ELAVL2: variants seen among roughly 807,000 people sequenced by gnomAD.
The protein encoded by ELAVL2 is ELAV-like protein 2.
In ELAVL2, 4 loss-of-function variants were observed where a neutral mutation model predicts 34.6. The ratio of observed to expected loss-of-function variants is 0.12; its 90% CI spans 0.06 to 0.26. The LOEUF (loss-of-function observed/expected upper bound fraction) is 0.26, where lower values mean the gene tolerates loss of function less well. ELAVL2 is among the 10% of genes least tolerant of loss of function. The probability of loss-of-function intolerance (pLI) is 1.00; values close to 1 mark genes in which losing one functional copy is unlikely to be tolerated. For synonymous variants in ELAVL2, 193 were observed against 154.8 expected (o/e 1.25, Z -1.83); for missense variants, 432 against 442.8 (o/e 0.98, Z 0.22).
At chr9:23,831,765 CG>C in the ELAVL2 span, among the ~76,000 whole-genome samples, 3 of 151,362 alleles carry the variant, frequency 2.0e-5, no homozygotes, top group Non-Finnish European at 4.4e-5. Flanking sequence ...AAAATGCTTT[CG>C]GCAGGCAGAG....
At chr9:23,818,732 G>C (rs534674000) in intron 1 of ELAVL2, among the ~76,000 whole-genome samples, 95 of 152,322 alleles carry the variant, frequency 6.2e-4, no homozygotes, top group African/African-American at 2.3e-3. Context: ...GTGACGATGT[G>C]ATAGATTTAA....
chr9:23,803,696 A>T (rs1222182279), intron 1 of ELAVL2, among the ~76,000 whole-genome samples: 1 of 149,612 alleles, frequency 6.7e-6, no homozygotes, highest in Non-Finnish European at 1.5e-5. Flanking sequence ...TTTTCCTTAC[A>T]TGCTAGGAGT....
At chr9:23,784,640 T>C (rs1250067140) in intron 1 of ELAVL2, among the ~76,000 whole-genome samples, 5 of 152,172 alleles carry the variant, frequency 3.3e-5, no homozygotes, top group South Asian at 4.1e-4. Flanking sequence ...TACAGAGATC[T>C]TGAAACCCAT....
chr9:23,835,568 T>G, the ELAVL2 span, among the ~76,000 whole-genome samples: 3 of 152,164 alleles, frequency 2.0e-5, no homozygotes, highest in Non-Finnish European at 4.4e-5. Context: ...GTAGACTATA[T>G]AAAGGGCTTT....
chr9:23,753,047 G>T (rs2052550880), intron 2 of ELAVL2, among the ~76,000 whole-genome samples: 1 of 152,124 alleles, frequency 6.6e-6, no homozygotes, highest in African/African-American at 2.4e-5. Flanking sequence ...GCATCCAAGG[G>T]TTTTGAAATA....
At chr9:23,763,738 G>C (rs1048811052) in intron 1 of ELAVL2, among the ~76,000 whole-genome samples, 1 of 152,050 alleles carries the variant, frequency 6.6e-6, no homozygotes, top group Admixed American at 6.6e-5. Flanking sequence ...ATTGAGACTG[G>C]TCAGACTGAA....
chr9:23,703,547 C>G (rs1286593138), intron 4 of ELAVL2, among the ~76,000 whole-genome samples: 6 of 152,182 alleles, frequency 3.9e-5, no homozygotes, highest in African/African-American at 1.4e-4. Flanking sequence ...ACTCAGAACT[C>G]TAAAGGTGGT....
chr9:23,807,721 G>C (rs976929916), intron 1 of ELAVL2, among the ~76,000 whole-genome samples: 1 of 152,132 alleles, frequency 6.6e-6, no homozygotes, highest in Non-Finnish European at 1.5e-5. Context: ...AACTGTGGAT[G>C]AATTAGTGAA....
intron 1 of ELAVL2, among the ~76,000 whole-genome samples, chr9:23,768,729 C>T (rs911121465): frequency 3.3e-5 from 5 of 152,140 alleles, no homozygotes; most frequent in Admixed American, 2.6e-4. Flanking sequence ...GAAGACAAGA[C>T]AAATCCAAGC....
At chr9:23,761,797 C>T (rs991558962) in intron 2 of ELAVL2, among the ~76,000 whole-genome samples, 4 of 151,794 alleles carry the variant, frequency 2.6e-5, no homozygotes, top group Non-Finnish European at 5.9e-5. Flanking sequence ...ACATTAAAGT[C>T]CAGTTAAAAT....
intron 5 of ELAVL2, among the ~76,000 whole-genome samples, chr9:23,694,647 C>T (rs912393173): frequency 6.6e-6 from 1 of 152,208 alleles, no homozygotes; most frequent in Non-Finnish European, 1.5e-5. Flanking sequence ...CTAAAGTATA[C>T]ATGCAAAAGC....
intron 2 of ELAVL2, among the ~76,000 whole-genome samples, chr9:23,740,044 TTAGAGA>T (rs1170511296): frequency 3.3e-5 from 5 of 152,126 alleles, no homozygotes; most frequent in African/African-American, 1.2e-4. Flanking sequence ...AAAATTCTCG[TTAGAGA>T]TAAATTTTCT....
intron 1 of ELAVL2, among the ~76,000 whole-genome samples, chr9:23,820,335 T>C (rs1258558830): frequency 6.6e-6 from 1 of 152,168 alleles, no homozygotes. Flanking sequence ...GAAAATTAAG[T>C]TTTAAAAGCG....
chr9:23,762,423 C>T (rs750980637), intron 1 of ELAVL2, among the ~76,000 whole-genome samples, 174 bp from the exon 2 acceptor site: 3 of 152,066 alleles, frequency 2.0e-5, no homozygotes, highest in Admixed American at 6.6e-5. Context: ...TTAACCTATT[C>T]ATCTTAAGGT....
chr9:23,695,733 T>C (rs1278665888), intron 5 of ELAVL2, among the ~76,000 whole-genome samples: 1 of 152,150 alleles, frequency 6.6e-6, no homozygotes, highest in Non-Finnish European at 1.5e-5. Context: ...TTTAACCATA[T>C]CTAAACATAG....
chr9:23,722,291 G>A (rs551779186), intron 3 of ELAVL2, among the ~76,000 whole-genome samples: 14 of 152,264 alleles, frequency 9.2e-5, no homozygotes, highest in East Asian at 3.9e-4. Flanking sequence ...AAACATTGTC[G>A]AAGAATGCGT....
At chr9:23,770,432 G>A (rs1176074466) in intron 1 of ELAVL2, among the ~76,000 whole-genome samples, 1 of 152,118 alleles carries the variant, frequency 6.6e-6, no homozygotes, top group Non-Finnish European at 1.5e-5. Context: ...ACATGACAAG[G>A]GGGAATTAAG....
the ELAVL2 span, among the ~76,000 whole-genome samples, chr9:23,839,798 A>C: frequency 1.3e-5 from 2 of 152,134 alleles, no homozygotes; most frequent in Admixed American, 1.3e-4. Flanking sequence ...AAGAAAGCAA[A>C]ACATTTTACC....
At chr9:23,704,174 C>A (rs1332467727) in intron 4 of ELAVL2, among the ~76,000 whole-genome samples, 1 of 113,458 alleles carries the variant, frequency 8.8e-6, no homozygotes, top group African/African-American at 2.9e-5. Flanking sequence ...TCAGGTGATC[C>A]GCCCTCCTTG....
Sources: allele counts gnomAD v4.1 joint callset (sites outside exome capture counted in the v4.1 genomes callset), GRCh38; gene constraint gnomAD v4.1.1; transcripts MANE v1.5; gene names NCBI Gene and HGNC (gene_info 2026-07-23, HGNC 2026-07-21).